The following PRKCB variants were observed in gnomAD, a reference collection of about 807,000 sequenced individuals.
The protein encoded by PRKCB is protein kinase C beta type.
Under a neutral mutation model 81.5 loss-of-function variants are expected in PRKCB, and 13 were observed. The ratio of observed to expected loss-of-function variants is 0.16; its 90% confidence interval spans 0.10 to 0.25. PRKCB has a LOEUF of 0.25. Among genes scored for constraint, PRKCB ranks in the 10% least tolerant of loss-of-function variants. The pLI, the probability that PRKCB is intolerant of heterozygous loss-of-function variation, is 1.00. For missense variants in PRKCB, 509 were observed against 875.7 expected (o/e 0.58, Z 5.29); for synonymous variants, 335 against 321.4 (o/e 1.04, Z -0.45).
chr16:23,880,715 T>C (rs1240555622), intron 2 of PRKCB, among the ~76,000 whole-genome samples: 3 of 152,088 alleles, frequency 2.0e-5, no homozygotes, highest in Admixed American at 6.5e-5. Flanking sequence ...AAAACATTTT[T>C]TTTTCTTATT....
chr16:24,163,905 G>A (rs1259880214), intron 10 of PRKCB, among the ~76,000 whole-genome samples: 6 of 152,194 alleles, frequency 3.9e-5, no homozygotes, highest in Admixed American at 3.9e-4. Context: ...CCCAGGACTA[G>A]CTGATACCAG....
chr16:24,032,363 C>T, intron 4 of PRKCB, 116 bp downstream of exon 4: 1 of 627,320 alleles, frequency 1.6e-6, no homozygotes, highest in Non-Finnish European at 2.8e-6. Context: ...CTCGTTGGGG[C>T]TGGTGTACCA....
At chr16:23,903,438 A>G (rs1428797136) in intron 2 of PRKCB, among the ~76,000 whole-genome samples, 1 of 152,052 alleles carries the variant, frequency 6.6e-6, no homozygotes, top group Non-Finnish European at 1.5e-5. Context: ...TCAAAGCTTC[A>G]TCAGAGCATG....
intron 9 of PRKCB, among the ~76,000 whole-genome samples, chr16:24,137,208 A>T (rs1176458479): frequency 6.6e-6 from 1 of 151,658 alleles, no homozygotes; most frequent in Admixed American, 6.6e-5. Context: ...AATTTTTTAG[A>T]GACAGCATCT....
intron 7 of PRKCB, among the ~76,000 whole-genome samples, chr16:24,094,809 G>A (rs867611389): frequency 1.5e-4 from 17 of 116,746 alleles, no homozygotes; most frequent in South Asian, 2.9e-4. Context: ...GGAAGGGAGG[G>A]AGGAAGGAAG....
chr16:24,114,856 T>TAA (rs145968919), intron 8 of PRKCB, among the ~76,000 whole-genome samples: 130 of 145,526 alleles, frequency 8.9e-4, no homozygotes, highest in African/African-American at 3.2e-3. Context: ...CACACACAAA[T>TAA]AAAAAAAAAA....
chr16:24,125,242 C>A (rs554141470), intron 9 of PRKCB, among the ~76,000 whole-genome samples: 2 of 152,318 alleles, frequency 1.3e-5, no homozygotes, highest in African/African-American at 4.8e-5. Context: ...CTGCTTAAGA[C>A]CCTCCAATGA....
At chr16:24,130,379 A>C (rs1052499203) in intron 9 of PRKCB, among the ~76,000 whole-genome samples, 4 of 152,146 alleles carry the variant, frequency 2.6e-5, no homozygotes, top group African/African-American at 9.7e-5. Flanking sequence ...AAGTGGCTCG[A>C]GCTATAGCTA....
intron 16 of PRKCB, among the ~76,000 whole-genome samples, chr16:24,200,174 G>A (rs1169881253): frequency 6.6e-6 from 1 of 152,142 alleles, no homozygotes; most frequent in African/African-American, 2.4e-5. Flanking sequence ...GGGCATGGCA[G>A]CATTGAAATG....
intron 3 of PRKCB, among the ~76,000 whole-genome samples, chr16:24,018,721 C>T (rs748043316): frequency 2.6e-5 from 4 of 152,206 alleles, no homozygotes; most frequent in Non-Finnish European, 4.4e-5. Context: ...GTATATCAGG[C>T]GGTTGAAGCA....
At chr16:23,931,360 A>T (rs1963972283) in intron 2 of PRKCB, among the ~76,000 whole-genome samples, 1 of 152,218 alleles carries the variant, frequency 6.6e-6, no homozygotes, top group Non-Finnish European at 1.5e-5. Flanking sequence ...CAGACAAGAC[A>T]GATGGCAGAC....
chr16:24,002,245 T>TAGC (rs1214266683), intron 3 of PRKCB, among the ~76,000 whole-genome samples: 4 of 152,192 alleles, frequency 2.6e-5, no homozygotes, highest in Middle Eastern at 3.4e-3. Context: ...TCCACCAGGC[T>TAGC]AGCTTAGTTT....
intron 16 of PRKCB, among the ~76,000 whole-genome samples, chr16:24,209,009 G>T (rs1968092528): frequency 6.6e-6 from 1 of 152,156 alleles, no homozygotes; most frequent in African/African-American, 2.4e-5. Flanking sequence ...GAGGGAGTGG[G>T]GAGAGGGAGG....
chr16:23,966,279 G>A (rs1411199821), intron 2 of PRKCB, among the ~76,000 whole-genome samples: 2 of 152,088 alleles, frequency 1.3e-5, no homozygotes, highest in Non-Finnish European at 2.9e-5. Flanking sequence ...ATTGCCTTAC[G>A]GTTTCCTCCT....
intron 5 of PRKCB, among the ~76,000 whole-genome samples, chr16:24,071,822 T>C (rs1966111699): frequency 2.0e-5 from 3 of 151,972 alleles, no homozygotes; most frequent in African/African-American, 7.3e-5. Context: ...AAAGTTATGG[T>C]GGGGGCCGAA....
intron 15 of PRKCB, among the ~76,000 whole-genome samples, chr16:24,187,674 GT>G (rs1967725000): frequency 7.3e-6 from 1 of 136,214 alleles, no homozygotes; most frequent in African/African-American, 2.9e-5. Context: ...GTTTTGTTTT[GT>G]TTTGTTTTGT....
At chr16:24,020,226 A>C (rs923867896) in intron 3 of PRKCB, among the ~76,000 whole-genome samples, 6 of 152,336 alleles carry the variant, frequency 3.9e-5, no homozygotes, top group East Asian at 1.9e-4. Context: ...TGCATTAGAA[A>C]AGGCAGTTTG....
At chr16:23,879,051 G>A (rs567932386) in intron 2 of PRKCB, among the ~76,000 whole-genome samples, 7 of 152,186 alleles carry the variant, frequency 4.6e-5, no homozygotes, top group East Asian at 1.9e-4. Flanking sequence ...GGTGGCACGC[G>A]CCTGTAATCC....
At position 23,938,834 on chromosome 16, in the gene PRKCB, A is replaced by T. The variant is rs9924991; in HGVS notation, c.206-49674A>T. 1.9e-3 allele frequency among the ~76,000 whole-genome samples: 288 copies of T among 152,156 alleles called. 1 individual carries two copies. Among genetic ancestry groups the T allele is most frequent in the African/African-American group, 6.6e-3 (273 of 41,504 alleles). ...AATGACCCTGGGACGTGTTCAACAT[A>T]GTGCTGTATGTTCCTGTTGGTCCTT... On this transcript the variant is annotated intron_variant, in intron 2 of 16. Transcript: ENST00000643927.
Sources: allele counts gnomAD v4.1 joint callset (sites outside exome capture counted in the v4.1 genomes callset), GRCh38; gene constraint gnomAD v4.1.1; transcripts MANE v1.5; gene names NCBI Gene and HGNC (gene_info 2026-07-23, HGNC 2026-07-21).